The following SPPL2B variants were observed in gnomAD, a reference collection of about 807,000 sequenced individuals.
SPPL2B encodes signal peptide peptidase-like 2B.
Under a neutral mutation model 59.7 loss-of-function variants are expected in SPPL2B, and 39 were observed. The ratio of observed to expected loss-of-function variants is 0.65; its 90% CI spans 0.51 to 0.85. The LOEUF is 0.85. Among genes scored for constraint, SPPL2B ranks in the 40% least tolerant of loss-of-function variants. The pLI, the probability that SPPL2B is intolerant of heterozygous loss-of-function variation, is 0.00. For synonymous variants in SPPL2B, 419 were observed against 370.8 expected (o/e 1.13, Z -1.49); for missense variants, 865 against 849.0 (o/e 1.02, Z -0.23).
At position 2,344,591 on chromosome 19, in the gene SPPL2B, A is replaced by G. The variant is rs1296978808; in HGVS notation, c.1215A>G (p.Ser405=). The G allele has an allele frequency of 6.2e-7, 1 of 1,612,502 alleles. No homozygotes were observed. The highest frequency in any genetic ancestry group is 1.3e-5 in the African/African-American group (1 of 74,670). ...MVLKVPRLNS[S]PLALCDRPFS... is the part of the protein sequence containing the mutation. ...TGAAGGTGCCCAGGCTGAACTCCTC[A>G]CCTCTGGCCCTGTGTGACCGGCCCT... is the stretch of plus-strand genomic sequence containing the variant. Residue 405 remains serine, a synonymous_variant, in exon 12 of 15, where the codon TCA becomes TCG. Coordinates refer to ENST00000613503, the MANE Select transcript of SPPL2B (RefSeq NM_152988.3).
chr19:2,339,676 T>A, intron 5 of SPPL2B, 148 bp from the exon 6 acceptor site: 1 of 867,222 alleles, frequency 1.2e-6, no homozygotes, highest in Non-Finnish European at 1.8e-6. Flanking sequence ...CCTGGGGACG[T>A]TCGGGGCGGT....
rs1288066100 is a variant in SPPL2B, at chr19:2,344,025, C to T, written c.1099C>T (p.Pro367Ser). Reference protein sequence around the residue: ...LYDIFFVFITPFLTKSGSSIM... With the variant: ...LYDIFFVFITSFLTKSGSSIM... ...CGACATCTTCTTCGTGTTCATCACG[C>T]CCTTCCTGACCAAGGTAGGCGACTG... is the stretch of plus-strand genomic sequence containing the variant. Residue 367 changes from proline to serine, a missense_variant, in exon 10 of 15, where the codon CCC becomes TCC. Pro to Ser is a moderately conservative substitution (Grantham distance 74, BLOSUM62 -1). Coordinates refer to ENST00000613503, the MANE Select transcript of SPPL2B (RefSeq NM_152988.3). The T allele has an allele frequency of 3.2e-6, 5 of 1,547,826 alleles. No homozygotes were observed. The highest frequency in any genetic ancestry group is 8.7e-7 in the Non-Finnish European group (1 of 1,146,412).
intron 5 of SPPL2B, 41 bp downstream of exon 5, chr19:2,339,249 G>A (rs760493465): frequency 7.0e-6 from 11 of 1,582,116 alleles, no homozygotes; most frequent in Admixed American, 1.8e-5. Flanking sequence ...GGGGTCGGGC[G>A]GCTCTGACAC....
chr19:2,341,489 G>C (rs1300733036), intron 8 of SPPL2B: 25 of 445,678 alleles, frequency 5.6e-5, no homozygotes, highest in Non-Finnish European at 9.1e-5. Context: ...CACCTCCCAC[G>C]TGGCCTGGAC....
In SPPL2B at chr19:2,353,510, C is replaced by T. The variant is rs1185898888; in HGVS notation, c.*301C>T. 22 of 416,404 alleles carry T rather than the reference C, an allele frequency of 5.3e-5. No individual in the cohort carries two copies. In the South Asian group the frequency reaches 6.0e-4, roughly 11 times the overall value. 25.8% of individuals were successfully genotyped at this position (416,404 alleles called of 1,614,324 possible). ...GGCCCTGCCCGGCCTCTCTGCAGAC[C>T]CTCAAGCGTCGTCTGCATGAGTGAG... On this transcript the variant is annotated 3_prime_UTR_variant, in exon 15 of 15. Transcript: ENST00000613503.
intron 12 of SPPL2B, 55 bp downstream of exon 12, chr19:2,344,707 G>A: frequency 8.5e-7 from 1 of 1,172,016 alleles, no homozygotes; most frequent in Non-Finnish European, 1.3e-6. Flanking sequence ...GCCCCGGGCG[G>A]CTGAGGTTTG....
At chr19:2,352,277 C>T (rs1011758296) in intron 14 of SPPL2B, among the ~76,000 whole-genome samples, 4 of 152,154 alleles carry the variant, frequency 2.6e-5, no homozygotes, top group Admixed American at 6.5e-5. Context: ...CTCCGGGCAG[C>T]GCCTCTTGGA....
Position 2,340,151 on chromosome 19 carries a change from G to A in SPPL2B, c.818G>A (p.Arg273Gln), listed in dbSNP as rs768315832. The A allele has an allele frequency of 8.2e-6, 13 of 1,578,992 alleles. No individual in the cohort carries two copies. The highest frequency in any genetic ancestry group is 1.3e-5 in the African/African-American group (1 of 74,532). Residue 273 changes from arginine to glutamine, a missense_variant, in exon 7 of 15, where the codon CGG (arginine) becomes CAG (glutamine). Physicochemically the swap from Arg to Gln is conservative, Grantham distance 43 (BLOSUM62 1). Transcript: ENST00000613503. ...LYSCLAPCVR[R>Q]LPFGKCRIPN... is the part of the protein sequence containing the mutation. ...AGCTGCCTGGCGCCCTGTGTGCGGC[G>A]GCTGCCCTTCGGCAAGTGCAGGTGA... is the stretch of plus-strand genomic sequence containing the variant.
intron 1 of SPPL2B, among the ~76,000 whole-genome samples, chr19:2,331,087 G>A (rs1236584120): frequency 2.6e-5 from 4 of 152,152 alleles, no homozygotes; most frequent in Non-Finnish European, 5.9e-5. Flanking sequence ...CAAGGAAGTC[G>A]ACCTCCCCAG....
chr19:2,343,382 A>C, intron 9 of SPPL2B, 90 bp downstream of exon 9: 10 of 1,100,452 alleles, frequency 9.1e-6, no homozygotes, highest in Non-Finnish European at 1.3e-5. Flanking sequence ...TGGTCCTTGC[A>C]GGTCTGTGCT....
Position 2,343,974 on chromosome 19 carries a change from C to T in SPPL2B, c.1048C>T (p.Leu350=). 1 of 1,545,416 alleles carries T rather than the reference C, an allele frequency of 6.5e-7. No individual in the cohort carries two copies. Among genetic ancestry groups the T allele is most frequent in the Middle Eastern group, 2.3e-4 (1 of 4,388 alleles). The change falls in exon 10 of 15, where the codon CTG becomes TTG. Residue 350 remains leucine, a synonymous_variant. Coordinates refer to ENST00000613503, the MANE Select transcript of SPPL2B (RefSeq NM_152988.3). Reference sequence around the variant, plus strand: ...GCCGTGGGCTTCGCAGGCCTGCACGCTGCTGCTGCTGGTGCTGTTCCTCTA... The same window carrying T: ...GCCGTGGGCTTCGCAGGCCTGCACGTTGCTGCTGCTGGTGCTGTTCCTCTA... ...IRLPTFKACT[L]LLLVLFLYDI...
At chr19:2,339,414 G>A (rs370766620) in intron 5 of SPPL2B, among the ~76,000 whole-genome samples, 1 of 152,246 alleles carries the variant, frequency 6.6e-6, no homozygotes, top group Non-Finnish European at 1.5e-5. Context: ...CCTGGTGGGT[G>A]TGTAGGGCTG....
chr19:2,352,186 C>T (rs991979459), intron 14 of SPPL2B, among the ~76,000 whole-genome samples: 1 of 151,942 alleles, frequency 6.6e-6, no homozygotes, highest in Non-Finnish European at 1.5e-5. Flanking sequence ...TGGGTGGGAC[C>T]CCCCCTTCCA....
chr19:2,347,257 T>TCTCC (rs372471064), intron 13 of SPPL2B, among the ~76,000 whole-genome samples: 226 of 131,708 alleles, frequency 1.7e-3, no homozygotes, highest in Non-Finnish European at 2.9e-3. Flanking sequence ...TGCCGTTCTC[T>TCTCC]CTCCACACAC....
At chr19:2,336,919 G>T (rs1167812859) in intron 2 of SPPL2B, among the ~76,000 whole-genome samples, 3 of 148,842 alleles carry the variant, frequency 2.0e-5, no homozygotes, top group Non-Finnish European at 3.0e-5. Flanking sequence ...GTGTGTGCAT[G>T]TATGCATGTG....
intron 14 of SPPL2B, 30 bp from the exon 15 acceptor site, chr19:2,352,916 C>T (rs375201771): frequency 1.1e-5 from 18 of 1,610,520 alleles, no homozygotes; most frequent in South Asian, 1.1e-4. Flanking sequence ...TCCCTGTCTC[C>T]GCCTCACCTC....
intron 8 of SPPL2B, chr19:2,341,309 G>A (rs1003582541): frequency 1.9e-5 from 11 of 592,440 alleles, no homozygotes; most frequent in Admixed American, 6.5e-5. Context: ...GTGGGGCATC[G>A]CTGCCCAGGG....
rs781367822 is a variant in SPPL2B, at chr19:2,353,048, C to A, written c.1618C>A (p.Pro540Thr). ...CTCCCCGCAGCCGCCCAGCGAAGAA[C>A]CAGCCACATCCCCCTGGCCTGCTGA... The part of the protein sequence containing the change: ...PLSPQPPSEE[P>T]ATSPWPAEQS... Residue 540 changes from proline to threonine, a missense_variant, in exon 15 of 15, where the codon CCA becomes ACA. Pro to Thr is a conservative substitution (Grantham distance 38). Coordinates refer to ENST00000613503, the MANE Select transcript of SPPL2B (RefSeq NM_152988.3). 2 of 1,612,070 alleles carry A rather than the reference C, an allele frequency of 1.2e-6. No homozygotes were observed. The highest frequency in any genetic ancestry group is 1.7e-6 in the Non-Finnish European group (2 of 1,179,688).
At chr19:2,334,452 C>G (rs1201313683) in intron 1 of SPPL2B, 150 bp from the exon 2 acceptor site, 1 of 1,047,402 alleles carries the variant, frequency 9.5e-7, no homozygotes, top group African/African-American at 1.6e-5. Context: ...CCCTGTCTGT[C>G]CTGTCGAGAG....
Sources: gnomAD v4.1 joint callset for allele counts (sites outside exome capture counted in the v4.1 genomes callset) on GRCh38, gnomAD v4.1.1 for gene constraint, MANE v1.5 for transcripts, NCBI Gene and HGNC (gene_info 2026-07-23, HGNC 2026-07-21) for gene names.